TJP1: variants seen among roughly 807,000 people sequenced by gnomAD.
TJP1 encodes tight junction protein ZO-1.
In TJP1, 43 loss-of-function variants were observed where a neutral mutation model predicts 194.2. The ratio of observed to expected loss-of-function variants is 0.22; its 90% CI spans 0.17 to 0.29. TJP1 has a LOEUF of 0.29. Ranked by LOEUF, TJP1 falls within the 10% of genes least tolerant of loss-of-function variation. The probability of loss-of-function intolerance (pLI) is 1.00; values close to 1 mark genes in which losing one functional copy is unlikely to be tolerated. For missense variants in TJP1, 1,971 were observed against 2,185.7 expected, an observed-to-expected ratio of 0.90 and a Z score of 1.96; for synonymous variants, 801 against 779.0, an observed-to-expected ratio of 1.03 and a Z score of -0.47.
At chr15:29,833,944 G>A (rs1260381757) in intron 2 of TJP1, among the ~76,000 whole-genome samples, 4 of 101,006 alleles carry the variant, frequency 4.0e-5, no homozygotes, top group African/African-American at 7.4e-5. Flanking sequence ...GTGCAGTGGC[G>A]CAATCTCGGC....
intron 10 of TJP1, among the ~76,000 whole-genome samples, chr15:29,739,635 G>A (rs45459202): frequency 0.043 from 6,575 of 151,926 alleles, 163 homozygotes; most frequent in South Asian, 0.077. Context: ...TAGTAGAGAC[G>A]GGGTTTCGCC....
chr15:29,891,895 G>A (rs1379323750), intron 2 of TJP1, among the ~76,000 whole-genome samples: 7 of 152,142 alleles, frequency 4.6e-5, no homozygotes, highest in African/African-American at 1.7e-4. Context: ...TTAAGTAAAA[G>A]GTTCAAATGT....
intron 1 of TJP1, among the ~76,000 whole-genome samples, chr15:29,815,686 T>A (rs1214719395): frequency 6.6e-6 from 1 of 152,226 alleles, no homozygotes; most frequent in Admixed American, 6.5e-5. Flanking sequence ...CAGGGGTATG[T>A]CAAGTAACAG....
chr15:29,784,711 G>A (rs2047588028), intron 2 of TJP1, among the ~76,000 whole-genome samples: 1 of 152,076 alleles, frequency 6.6e-6, no homozygotes, highest in South Asian at 2.1e-4. Flanking sequence ...TCATCCTAAG[G>A]AATCTAATAA....
At chr15:29,731,025 G>C (rs1004723414) in intron 15 of TJP1, 1 of 1,060,122 alleles carries the variant, frequency 9.4e-7, no homozygotes, top group Non-Finnish European at 1.4e-6. Context: ...TCTGGTGACT[G>C]TACAGTTTGA....
At chr15:29,869,393 T>C (rs2052414782) in intron 2 of TJP1, among the ~76,000 whole-genome samples, 1 of 152,192 alleles carries the variant, frequency 6.6e-6, no homozygotes, top group African/African-American at 2.4e-5. Context: ...AAACATTTAC[T>C]GAGATACTAT....
intron 1 of TJP1, 71 bp downstream of exon 1, chr15:29,821,931 C>T: frequency 8.4e-7 from 1 of 1,183,780 alleles, no homozygotes; most frequent in Non-Finnish European, 1.0e-6. Context: ...GGGCGGGACG[C>T]GGGCCAGATG....
intron 2 of TJP1, among the ~76,000 whole-genome samples, chr15:29,846,664 G>A (rs761690183): frequency 3.9e-5 from 6 of 152,138 alleles, no homozygotes; most frequent in Non-Finnish European, 7.3e-5. Context: ...GGTGGCTCAC[G>A]TCTGTAATCC....
At chr15:29,830,531 CTAA>C (rs1448390257) in intron 2 of TJP1, among the ~76,000 whole-genome samples, 20 of 150,360 alleles carry the variant, frequency 1.3e-4, no homozygotes, top group African/African-American at 4.6e-4. Flanking sequence ...TATAATAATG[CTAA>C]TATTACATAT....
chr15:29,911,314 CG>C (rs2054004354), intron 2 of TJP1, among the ~76,000 whole-genome samples: 1 of 152,140 alleles, frequency 6.6e-6, no homozygotes, highest in Non-Finnish European at 1.5e-5. Context: ...TCTCAAGAAC[CG>C]GGCAAGGCAT....
chr15:29,906,409 G>C (rs2053812167), intron 2 of TJP1, among the ~76,000 whole-genome samples: 1 of 150,998 alleles, frequency 6.6e-6, no homozygotes, highest in African/African-American at 2.4e-5. Flanking sequence ...GGAAGCGGAG[G>C]TTGAGCCGAG....
In TJP1 at chr15:29,705,564, C is replaced by G; in HGVS notation, c.5032G>C (p.Asp1678His). 4 of 1,614,200 alleles carry G rather than the reference C, an allele frequency of 2.5e-6. No homozygotes were observed. The Admixed American group carries it at 5.0e-5, about 20-fold the overall frequency. Residue 1678 changes from aspartate to histidine, a missense_variant, in exon 26 of 28, where the codon GAC becomes CAC. Asp to His is a moderately conservative substitution (Grantham distance 81). Coordinates refer to ENST00000614355, the MANE Select transcript of TJP1 (RefSeq NM_001330239.4). Reference sequence around the variant, plus strand: ...TCTAAAGGTGGAAGGATGCTGTTGTCCCGGCAGACCTTGAAATAGATTTCC... The same window carrying G: ...TCTAAAGGTGGAAGGATGCTGTTGTGCCGGCAGACCTTGAAATAGATTTCC... ...EQEIYFKVCRDNSILPPLDKE... is the reference protein window; with the variant it reads ...EQEIYFKVCRHNSILPPLDKE...
At chr15:29,712,805 C>T (rs1256587016) in intron 23 of TJP1, among the ~76,000 whole-genome samples, 4 of 148,260 alleles carry the variant, frequency 2.7e-5, no homozygotes, top group African/African-American at 7.5e-5. Context: ...GTGACATGTC[C>T]CATTAAAAAA....
intron 3 of TJP1, 117 bp from the exon 4 acceptor site, chr15:29,772,283 A>C: frequency 1.7e-6 from 1 of 602,498 alleles, no homozygotes; most frequent in Non-Finnish European, 2.8e-6. Flanking sequence ...CAATTAATTA[A>C]TTTCTCTTCA....
intron 1 of TJP1, among the ~76,000 whole-genome samples, chr15:29,805,200 A>G (rs142183098): frequency 2.0e-5 from 3 of 152,338 alleles, no homozygotes; most frequent in South Asian, 2.1e-4. Flanking sequence ...GTATTTCACA[A>G]TCTGCCAAGA....
chr15:29,711,880 A>G (rs12902476), intron 23 of TJP1, among the ~76,000 whole-genome samples: 92,670 of 152,066 alleles, frequency 0.61, 30,199 homozygotes, highest in East Asian at 0.73. Flanking sequence ...TCTGCGTTTC[A>G]GTAAAACTAA....
At chr15:29,751,401 A>G (rs370586027) in intron 8 of TJP1, among the ~76,000 whole-genome samples, 3 of 152,358 alleles carry the variant, frequency 2.0e-5, no homozygotes, top group African/African-American at 7.2e-5. Flanking sequence ...TTTTTAGGCA[A>G]TAATTTAGAT....
At chr15:29,711,365 A>G (rs1181229105) in intron 23 of TJP1, among the ~76,000 whole-genome samples, 1 of 152,054 alleles carries the variant, frequency 6.6e-6, no homozygotes, top group Non-Finnish European at 1.5e-5. Context: ...TTTTCCTGAG[A>G]CCCACTTTTT....
At chr15:29,806,906 C>T (rs1421274800) in intron 1 of TJP1, among the ~76,000 whole-genome samples, 1 of 151,944 alleles carries the variant, frequency 6.6e-6, no homozygotes, top group Non-Finnish European at 1.5e-5. Flanking sequence ...AAAGATCACT[C>T]TAAAATAAAA....
Sources: allele counts gnomAD v4.1 joint callset (sites outside exome capture counted in the v4.1 genomes callset), GRCh38; gene constraint gnomAD v4.1.1; transcripts MANE v1.5; gene names NCBI Gene and HGNC (gene_info 2026-07-23, HGNC 2026-07-21).